Variants in ARHGAP42 observed in about 807,000 individuals in gnomAD.
ARHGAP42 encodes rho GTPase-activating protein 42.
A neutral mutation model predicts 125.0 loss-of-function variants in ARHGAP42; 63 were observed. That is an observed-to-expected ratio of 0.50 (90% CI 0.41 to 0.62). The LOEUF is 0.62. Among genes scored for constraint, ARHGAP42 ranks in the 20% least tolerant of loss-of-function variants. The probability of loss-of-function intolerance (pLI) is 0.00; values close to 1 mark genes in which losing one functional copy is unlikely to be tolerated. For synonymous variants in ARHGAP42, 339 were observed against 351.0 expected (o/e 0.97, Z 0.38); for missense variants, 766 against 1,024.2 (o/e 0.75, Z 3.44).
chr11:100,761,228 AAC>A (rs1030253001), intron 1 of ARHGAP42, among the ~76,000 whole-genome samples: 1 of 152,348 alleles, frequency 6.6e-6, no homozygotes, highest in Admixed American at 6.5e-5. Context: ...GCGTAGAGAT[AAC>A]ACAGACAGTA....
At chr11:100,935,923 G>A (rs1259479774) in intron 7 of ARHGAP42, among the ~76,000 whole-genome samples, 1 of 152,010 alleles carries the variant, frequency 6.6e-6, no homozygotes, top group Non-Finnish European at 1.5e-5. Flanking sequence ...CTTGAGCCCG[G>A]GAATTTGAGA....
chr11:100,688,000 G>A, intron 1 of ARHGAP42, 168 bp downstream of exon 1: 1 of 671,140 alleles, frequency 1.5e-6, no homozygotes, highest in African/African-American at 1.8e-5. Flanking sequence ...TTCTTGAGGT[G>A]TTCTTTACTT....
At chr11:100,864,304 C>T (rs944911288) in intron 4 of ARHGAP42, among the ~76,000 whole-genome samples, 2 of 151,994 alleles carry the variant, frequency 1.3e-5, no homozygotes, top group Non-Finnish European at 2.9e-5. Flanking sequence ...CCTGCTTCAG[C>T]CTCCCAAGTA....
chr11:100,806,792 T>G (rs1383084298), intron 3 of ARHGAP42, among the ~76,000 whole-genome samples: 1 of 152,116 alleles, frequency 6.6e-6, no homozygotes, highest in Non-Finnish European at 1.5e-5. Flanking sequence ...TTAGTGCTAA[T>G]AATCATAAAA....
At chr11:100,944,510 A>G (rs1867964891) in intron 10 of ARHGAP42, among the ~76,000 whole-genome samples, 1 of 152,074 alleles carries the variant, frequency 6.6e-6, no homozygotes, top group Non-Finnish European at 1.5e-5. Context: ...GTGTGTATCC[A>G]TGTATACCCT....
At chr11:100,818,028 A>G (rs771514007) in intron 3 of ARHGAP42, among the ~76,000 whole-genome samples, 1 of 152,188 alleles carries the variant, frequency 6.6e-6, no homozygotes, top group Non-Finnish European at 1.5e-5. Flanking sequence ...AACCATTCAT[A>G]TTGGCTCCAA....
chr11:100,758,623 CAT>C (rs777608340), intron 1 of ARHGAP42, among the ~76,000 whole-genome samples: 2 of 152,056 alleles, frequency 1.3e-5, no homozygotes, highest in Non-Finnish European at 2.9e-5. Context: ...AAATAAGTAA[CAT>C]GTCTTTCCAG....
intron 4 of ARHGAP42, among the ~76,000 whole-genome samples, chr11:100,884,302 T>G (rs1169422024): frequency 6.6e-6 from 1 of 152,220 alleles, no homozygotes; most frequent in South Asian, 2.1e-4. Context: ...ATAAAGTATT[T>G]TTGTTGTTGT....
At chr11:100,898,834 C>T (rs1866434713) in intron 4 of ARHGAP42, among the ~76,000 whole-genome samples, 1 of 151,698 alleles carries the variant, frequency 6.6e-6, no homozygotes, top group Non-Finnish European at 1.5e-5. Flanking sequence ...TTTCATGTCT[C>T]CATCTCCTTC....
At chr11:100,691,532 T>G (rs1040275585) in intron 1 of ARHGAP42, among the ~76,000 whole-genome samples, 1 of 152,000 alleles carries the variant, frequency 6.6e-6, no homozygotes, top group Non-Finnish European at 1.5e-5. Flanking sequence ...TTTTATTTAT[T>G]TATTTATTTT....
rs529707482 is a variant in ARHGAP42 at position 100,776,975 on chromosome 11, C to T, written c.250+6537C>T. Among the ~76,000 whole-genome samples the T allele has an allele frequency of 5.0e-3, 569 of 113,494 alleles. 3 individuals are homozygous for T. The highest frequency in any genetic ancestry group is 0.019 in the African/African-American group (539 of 28,486). The allele number at this position is 113,494 out of a possible 152,430, so 74.5% of individuals were successfully genotyped here. A position where few individuals can be genotyped will look rare whatever the true frequency, so the allele number is the denominator to read the frequency against. The stretch of plus-strand genomic sequence containing the variant: ...TCCAGCCTGGGCAACAAAGTGAACA[C>T]TGTCTCAAAAAAAAAAAAAAAAAAA... On this transcript the variant is annotated intron_variant, in intron 2 of 23. Transcript: ENST00000298815.
chr11:100,866,018 A>T (rs148568390), intron 4 of ARHGAP42, among the ~76,000 whole-genome samples: 1 of 152,342 alleles, frequency 6.6e-6, no homozygotes, highest in East Asian at 1.9e-4. Context: ...ATAAGAAAAC[A>T]TCTTTTAAAA....
chr11:100,920,965 C>G (rs996615504), intron 5 of ARHGAP42, among the ~76,000 whole-genome samples: 2 of 151,666 alleles, frequency 1.3e-5, no homozygotes, highest in Non-Finnish European at 2.9e-5. Context: ...TAGTATGATG[C>G]TATCCTCACT....
At chr11:100,805,569 A>G (rs1863968700) in intron 3 of ARHGAP42, among the ~76,000 whole-genome samples, 1 of 152,198 alleles carries the variant, frequency 6.6e-6, no homozygotes. Context: ...GTGTAAAGAA[A>G]CAAAAGAATG....
At chr11:100,721,285 C>G (rs550646772) in intron 1 of ARHGAP42, among the ~76,000 whole-genome samples, 22 of 152,188 alleles carry the variant, frequency 1.4e-4, no homozygotes, top group Admixed American at 9.8e-4. Context: ...TCTCACCTAA[C>G]CCAGGGCAAC....
At chr11:100,852,350 G>T (rs1048590228) in intron 3 of ARHGAP42, among the ~76,000 whole-genome samples, 2 of 152,064 alleles carry the variant, frequency 1.3e-5, no homozygotes, top group African/African-American at 2.4e-5. Context: ...TTTATTTAAT[G>T]CATTTTATTT....
chr11:100,753,995 A>G (rs1862519398), intron 1 of ARHGAP42, among the ~76,000 whole-genome samples: 1 of 152,122 alleles, frequency 6.6e-6, no homozygotes, highest in African/African-American at 2.4e-5. Flanking sequence ...TCAACTCAAT[A>G]TTTTGTCTTT....
chr11:100,829,041 G>A (rs1051298497), intron 3 of ARHGAP42, among the ~76,000 whole-genome samples: 1 of 152,128 alleles, frequency 6.6e-6, no homozygotes, highest in African/African-American at 2.4e-5. Context: ...CTGGAAATAG[G>A]CAGCCAAGGT....
chr11:100,992,407 C>T lies in ARHGAP42; in HGVS notation c.*3606C>T, dbSNP rs202128087. ...ACTATTGTCCAGAAGTTACTTTCCC[C>T]TTGACTAAAGGTTTCCCCTTAGGGT... is the stretch of plus-strand genomic sequence containing the variant. On this transcript the variant is annotated 3_prime_UTR_variant, in exon 24 of 24. Coordinates refer to ENST00000298815, the MANE Select transcript of ARHGAP42 (RefSeq NM_152432.4). The T allele has an allele frequency of 1.9e-6, 3 of 1,614,006 alleles. No homozygotes were observed. Among genetic ancestry groups the T allele is most frequent in the Non-Finnish European group, 2.5e-6 (3 of 1,179,978 alleles).
Sources: gnomAD v4.1 joint callset for allele counts (sites outside exome capture counted in the v4.1 genomes callset) on GRCh38, gnomAD v4.1.1 for gene constraint, MANE v1.5 for transcripts, NCBI Gene and HGNC (gene_info 2026-07-23, HGNC 2026-07-21) for gene names.